IGF2BP2: variants seen among roughly 807,000 people sequenced by gnomAD.
IGF2BP2 encodes insulin-like growth factor 2 mRNA-binding protein 2.
Under a neutral mutation model 75.8 loss-of-function variants are expected in IGF2BP2, and 17 were observed. The observed-to-expected ratio is 0.22, with a 90% CI of 0.15 to 0.34. IGF2BP2 has a LOEUF of 0.34. Among genes scored for constraint, IGF2BP2 ranks in the 10% least tolerant of loss-of-function variants. IGF2BP2 has a pLI of 1.00. For synonymous variants in IGF2BP2, 288 were observed against 295.6 expected, an observed-to-expected ratio of 0.97 and a Z score of 0.26; for missense variants, 516 against 772.4, an observed-to-expected ratio of 0.67 and a Z score of 3.93.
intron 2 of IGF2BP2, among the ~76,000 whole-genome samples, chr3:185,724,140 G>A (rs1367322999): frequency 6.6e-6 from 1 of 152,210 alleles, no homozygotes; most frequent in Non-Finnish European, 1.5e-5. Flanking sequence ...AGAACCAGAA[G>A]AAGAGAGCCT....
intron 2 of IGF2BP2, among the ~76,000 whole-genome samples, chr3:185,800,789 T>C (rs912090360): frequency 4.0e-5 from 6 of 150,842 alleles, no homozygotes; most frequent in African/African-American, 1.5e-4. Context: ...ATCTGGAAGG[T>C]AGGACATAGG....
At chr3:185,689,203 T>C in intron 6 of IGF2BP2, 152 bp downstream of exon 6, 1 of 737,310 alleles carries the variant, frequency 1.4e-6, no homozygotes, top group Non-Finnish European at 2.2e-6. Flanking sequence ...TTGATGTTAG[T>C]CTGTTAGTAG....
intron 2 of IGF2BP2, among the ~76,000 whole-genome samples, chr3:185,749,506 T>C (rs1005037714): frequency 6.6e-6 from 1 of 152,232 alleles, no homozygotes; most frequent in Non-Finnish European, 1.5e-5. Flanking sequence ...AATGAGCTAA[T>C]TGCTCTTCTG....
At chr3:185,764,426 T>C (rs978720103) in intron 2 of IGF2BP2, among the ~76,000 whole-genome samples, 3 of 152,080 alleles carry the variant, frequency 2.0e-5, no homozygotes, top group African/African-American at 7.2e-5. Flanking sequence ...GATCCACAAA[T>C]AGGTCCCAAG....
intron 7 of IGF2BP2, among the ~76,000 whole-genome samples, chr3:185,680,737 G>T (rs1188248439): frequency 1.3e-5 from 2 of 151,976 alleles, no homozygotes; most frequent in African/African-American, 4.8e-5. Flanking sequence ...TGAGGCCAGG[G>T]GTTCAAGACC....
chr3:185,785,234 G>A (rs955256534), intron 2 of IGF2BP2, among the ~76,000 whole-genome samples: 7 of 149,346 alleles, frequency 4.7e-5, no homozygotes, highest in Admixed American at 2.0e-4. Flanking sequence ...CTGGGAGATG[G>A]AGACTGTAGT....
In IGF2BP2 at chr3:185,665,521, G is replaced by A. The variant is rs1237661496; in HGVS notation, c.1200+7020C>T. Among the ~76,000 whole-genome samples, 19 of 132,506 alleles carry A rather than the reference G, an allele frequency of 1.4e-4. 2 individuals are homozygous for A. The highest frequency in any genetic ancestry group is 2.6e-4 in the South Asian group (1 of 3,868). 86.9% of individuals were successfully genotyped at this position (132,506 alleles called of 152,430 possible). A position where few individuals can be genotyped will look rare whatever the true frequency, so the allele number is the denominator to read the frequency against. ...GGAGGAGAAGGAGGAGGAGGAGAAG[G>A]AGGAGGAGGAGAAGGAGGAGGAGGA... On this transcript the variant is annotated intron_variant, in intron 10 of 15. Coordinates refer to ENST00000382199, the MANE Select transcript of IGF2BP2 (RefSeq NM_006548.6).
At chr3:185,799,191 G>A (rs1737848661) in intron 2 of IGF2BP2, among the ~76,000 whole-genome samples, 1 of 151,736 alleles carries the variant, frequency 6.6e-6, no homozygotes, top group South Asian at 2.1e-4. Flanking sequence ...CTTGAGCCCA[G>A]GAGTATGAGA....
chr3:185,773,993 T>G (rs1355850192), intron 2 of IGF2BP2, among the ~76,000 whole-genome samples: 1 of 152,182 alleles, frequency 6.6e-6, no homozygotes, highest in Non-Finnish European at 1.5e-5. Flanking sequence ...CTTCACTGAC[T>G]GAGAGGAGAA....
intron 10 of IGF2BP2, among the ~76,000 whole-genome samples, chr3:185,660,521 C>G (rs1055192973): frequency 6.6e-5 from 10 of 152,216 alleles, no homozygotes; most frequent in Non-Finnish European, 1.3e-4. Flanking sequence ...TTACCAGCCA[C>G]GCCTGCCGGC....
intron 7 of IGF2BP2, among the ~76,000 whole-genome samples, chr3:185,681,791 A>C (rs1003388717): frequency 6.6e-6 from 1 of 152,242 alleles, no homozygotes; most frequent in Admixed American, 6.5e-5. Context: ...ATTTTTGATA[A>C]GGTGCTGAGA....
intron 2 of IGF2BP2, among the ~76,000 whole-genome samples, chr3:185,709,371 A>G (rs1002192278): frequency 1.3e-5 from 2 of 152,112 alleles, no homozygotes; most frequent in Non-Finnish European, 2.9e-5. Flanking sequence ...CTTCAGCCCA[A>G]GCAGTGTCTG....
At chr3:185,686,612 A>C (rs1002653196) in intron 7 of IGF2BP2, among the ~76,000 whole-genome samples, 2 of 152,186 alleles carry the variant, frequency 1.3e-5, no homozygotes. Context: ...TGTCCAATTC[A>C]ATGGGCATTA....
chr3:185,774,784 A>G (rs1301603465), intron 2 of IGF2BP2, among the ~76,000 whole-genome samples: 2 of 152,012 alleles, frequency 1.3e-5, no homozygotes, highest in Non-Finnish European at 2.9e-5. Flanking sequence ...TGGGCAGATC[A>G]CAAGGTCACG....
intron 10 of IGF2BP2, among the ~76,000 whole-genome samples, chr3:185,670,561 A>G (rs1718355923): frequency 6.6e-6 from 1 of 151,918 alleles, no homozygotes; most frequent in Non-Finnish European, 1.5e-5. Context: ...TGAGATTACC[A>G]ATTTATTTAT....
At chr3:185,694,861 T>A (rs545673851) in intron 4 of IGF2BP2, among the ~76,000 whole-genome samples, 1 of 152,226 alleles carries the variant, frequency 6.6e-6, no homozygotes, top group East Asian at 1.9e-4. Context: ...CCAAGGTGGG[T>A]GGATCACTTG....
chr3:185,822,994 A>G (rs1446099610), intron 2 of IGF2BP2, among the ~76,000 whole-genome samples, 159 bp downstream of exon 2: 1 of 152,090 alleles, frequency 6.6e-6, no homozygotes, highest in Non-Finnish European at 1.5e-5. Context: ...TGAAAGTAAA[A>G]AAAAAAAAAG....
chr3:185,795,136 AT>A (rs1737189840), intron 2 of IGF2BP2, among the ~76,000 whole-genome samples: 1 of 152,044 alleles, frequency 6.6e-6, no homozygotes, highest in African/African-American at 2.4e-5. Flanking sequence ...TGACCTCGTG[AT>A]CCACCCACCT....
At chr3:185,744,303 G>A (rs1364390592) in intron 2 of IGF2BP2, among the ~76,000 whole-genome samples, 1 of 152,144 alleles carries the variant, frequency 6.6e-6, no homozygotes, top group East Asian at 1.9e-4. Context: ...GATCTGGGTA[G>A]TAGCTACATG....
Sources: allele counts gnomAD v4.1 joint callset (sites outside exome capture counted in the v4.1 genomes callset), GRCh38; gene constraint gnomAD v4.1.1; transcripts MANE v1.5; gene names NCBI Gene and HGNC (gene_info 2026-07-23, HGNC 2026-07-21).